Variants in GPC5 observed in about 807,000 individuals in gnomAD.
GPC5 encodes glypican 5.
In GPC5, 47 loss-of-function variants were observed where a neutral mutation model predicts 53.9. The observed-to-expected ratio is 0.87, with a 90% CI of 0.69 to 1.11. GPC5 has a LOEUF of 1.11. Ranked by LOEUF, GPC5 falls within the 50% of genes most tolerant of loss-of-function variation. The probability of loss-of-function intolerance (pLI) is 0.00; values close to 1 mark genes in which losing one functional copy is unlikely to be tolerated. For missense variants in GPC5, 748 were observed against 713.1 expected, an observed-to-expected ratio of 1.05 and a Z score of -0.56; for synonymous variants, 286 against 263.3, an observed-to-expected ratio of 1.09 and a Z score of -0.84.
At chr13:92,545,157 A>T (rs1882063024) in intron 7 of GPC5, among the ~76,000 whole-genome samples, 1 of 151,916 alleles carries the variant, frequency 6.6e-6, no homozygotes, top group Non-Finnish European at 1.5e-5. Context: ...CCTATGAGTG[A>T]GAACATGTGG....
chr13:91,646,989 A>T (rs1018794555), intron 2 of GPC5, among the ~76,000 whole-genome samples: 1 of 152,140 alleles, frequency 6.6e-6, no homozygotes, highest in Non-Finnish European at 1.5e-5. Flanking sequence ...ATTATTATCC[A>T]TTAAAAATAA....
intron 5 of GPC5, among the ~76,000 whole-genome samples, chr13:91,836,397 T>G (rs1225774168): frequency 6.6e-6 from 1 of 152,116 alleles, no homozygotes; most frequent in Non-Finnish European, 1.5e-5. Context: ...GACAGAAGCA[T>G]ACATTTAGAT....
intron 7 of GPC5, among the ~76,000 whole-genome samples, chr13:92,825,489 TC>T (rs1877816379): frequency 6.6e-6 from 1 of 152,136 alleles, no homozygotes; most frequent in African/African-American, 2.4e-5. Flanking sequence ...GGTGGCATTT[TC>T]CAAGTGTATT....
intron 7 of GPC5, among the ~76,000 whole-genome samples, chr13:92,148,636 G>A (rs2138989372): frequency 6.6e-6 from 1 of 152,114 alleles, no homozygotes; most frequent in South Asian, 2.1e-4. Flanking sequence ...CATAGATATA[G>A]ATAGTTCACT....
chr13:92,789,348 A>G (rs952673426), intron 7 of GPC5, among the ~76,000 whole-genome samples: 6 of 152,186 alleles, frequency 3.9e-5, no homozygotes, highest in African/African-American at 1.4e-4. Flanking sequence ...ATAATTGAAA[A>G]TGTTTATCTT....
At chr13:91,932,717 C>T (rs1007866198) in intron 6 of GPC5, among the ~76,000 whole-genome samples, 5 of 151,988 alleles carry the variant, frequency 3.3e-5, no homozygotes, top group Admixed American at 1.3e-4. Flanking sequence ...TTTATTTTCT[C>T]GTATCAGAGT....
At chr13:91,650,750 G>GTTTTTGTTTTTTGTTTTTT (rs1491353283) in intron 2 of GPC5, among the ~76,000 whole-genome samples, 1 of 99,642 alleles carries the variant, frequency 1.0e-5, no homozygotes, top group African/African-American at 4.1e-5. Context: ...ATTCCCATAA[G>GTTTTTGTTTTTTGTTTTTT]TTTTTTTTTT....
rs17233836 is a variant in GPC5, at chr13:92,732,015, T to G, written c.1562-134267T>G. Reference sequence around the variant, plus strand: ...GTACCATAAGAATCTGTTCTTTATGTCTGTGCAAGGAGAAACCTATGAACT... The same window carrying G: ...GTACCATAAGAATCTGTTCTTTATGGCTGTGCAAGGAGAAACCTATGAACT... On this transcript the variant is annotated intron_variant, in intron 7 of 7. Coordinates refer to ENST00000377067, the MANE Select transcript of GPC5 (RefSeq NM_004466.6). Among the ~76,000 whole-genome samples, 751 of 151,534 alleles carry G rather than the reference T, an allele frequency of 5.0e-3. 35 individuals carry two copies. The East Asian group carries it at 0.098, about 20-fold the overall frequency.
At chr13:92,707,903 G>C (rs1051239637) in intron 7 of GPC5, among the ~76,000 whole-genome samples, 1 of 152,066 alleles carries the variant, frequency 6.6e-6, no homozygotes, top group African/African-American at 2.4e-5. Context: ...GAGACCATGA[G>C]CAAAGAAATG....
At chr13:91,629,906 C>A (rs1043136464) in intron 2 of GPC5, among the ~76,000 whole-genome samples, 2 of 152,084 alleles carry the variant, frequency 1.3e-5, no homozygotes, top group African/African-American at 2.4e-5. Context: ...CATTCCTACA[C>A]CACATTGTAA....
At chr13:92,397,336 T>C (rs1338617457) in intron 7 of GPC5, among the ~76,000 whole-genome samples, 1 of 152,216 alleles carries the variant, frequency 6.6e-6, no homozygotes, top group Non-Finnish European at 1.5e-5. Context: ...GATGGTTTCA[T>C]AAGGGGAAAC....
At chr13:91,555,657 C>T (rs767824358) in intron 2 of GPC5, among the ~76,000 whole-genome samples, 1 of 151,988 alleles carries the variant, frequency 6.6e-6, no homozygotes, top group Non-Finnish European at 1.5e-5. Flanking sequence ...TAAAGATATA[C>T]CCAAGACTGG....
chr13:92,225,660 G>A (rs1469061047), intron 7 of GPC5, among the ~76,000 whole-genome samples: 1 of 151,758 alleles, frequency 6.6e-6, no homozygotes, highest in Non-Finnish European at 1.5e-5. Flanking sequence ...CCAGAGAATC[G>A]AATTATTTTT....
chr13:92,627,991 G>C (rs1295986666), intron 7 of GPC5, among the ~76,000 whole-genome samples: 2 of 152,054 alleles, frequency 1.3e-5, no homozygotes, highest in Admixed American at 6.6e-5. Context: ...GAAATACCTA[G>C]ACTGAAGGTG....
intron 2 of GPC5, among the ~76,000 whole-genome samples, chr13:91,644,310 C>T (rs898235902): frequency 5.3e-5 from 8 of 152,088 alleles, no homozygotes; most frequent in Non-Finnish European, 8.8e-5. Context: ...TATCCAACGT[C>T]GCATAGACAG....
chr13:92,628,260 C>CTTTT (rs1286424637), intron 7 of GPC5, among the ~76,000 whole-genome samples: 2 of 37,550 alleles, frequency 5.3e-5, no homozygotes, highest in African/African-American at 1.6e-4. Flanking sequence ...TTTTCTTTTT[C>CTTTT]TTTCTTTTTT....
intron 1 of GPC5, among the ~76,000 whole-genome samples, chr13:91,414,918 A>C (rs937313582): frequency 6.6e-6 from 1 of 152,200 alleles, no homozygotes; most frequent in African/African-American, 2.4e-5. Flanking sequence ...GGTTTGATAC[A>C]CATCTTAAGA....
chr13:92,663,367 G>A (rs1886414052), intron 7 of GPC5, among the ~76,000 whole-genome samples: 1 of 151,822 alleles, frequency 6.6e-6, no homozygotes, highest in South Asian at 2.1e-4. Context: ...GTTCTGATAG[G>A]TGAGTAACAT....
intron 7 of GPC5, among the ~76,000 whole-genome samples, chr13:92,398,920 C>T (rs1354084492): frequency 2.0e-5 from 3 of 152,168 alleles, no homozygotes; most frequent in Non-Finnish European, 1.5e-5. Context: ...CCTTTCCATC[C>T]TAACCTAGAT....
Sources: gnomAD v4.1 joint callset for allele counts (sites outside exome capture counted in the v4.1 genomes callset) on GRCh38, gnomAD v4.1.1 for gene constraint, MANE v1.5 for transcripts, NCBI Gene and HGNC (gene_info 2026-07-23, HGNC 2026-07-21) for gene names.